ATP8B4: variants seen among roughly 807,000 people sequenced by gnomAD.
ATP8B4 encodes the protein probable phospholipid-transporting ATPase IM.
ATP8B4 carries 133 observed loss-of-function variants against 145.6 expected under a neutral mutation model. That is an observed-to-expected ratio of 0.91 (90% CI 0.79 to 1.05). ATP8B4 has a LOEUF of 1.05. ATP8B4 is among the 50% of genes least tolerant of loss of function. The pLI, the probability that ATP8B4 is intolerant of heterozygous loss-of-function variation, is 0.00. For missense variants in ATP8B4, 1,458 were observed against 1,425.2 expected, an observed-to-expected ratio of 1.02 and a Z score of -0.37; for synonymous variants, 507 against 492.9, an observed-to-expected ratio of 1.03 and a Z score of -0.38.
At chr15:49,867,380 C>T (rs995396351) in intron 25 of ATP8B4, among the ~76,000 whole-genome samples, 3 of 152,188 alleles carry the variant, frequency 2.0e-5, no homozygotes, top group Non-Finnish European at 4.4e-5. Flanking sequence ...TTGTAATTTA[C>T]TGTCCCTTAA....
Position 49,898,165 on chromosome 15 carries a change from T to A in ATP8B4, c.2376A>T (p.Pro792=), listed in dbSNP as rs768825651. 2 of 1,613,862 alleles carry A rather than the reference T, an allele frequency of 1.2e-6. No individual in the cohort carries two copies. Among genetic ancestry groups the A allele is most frequent in the East Asian group, 4.5e-5 (2 of 44,862 alleles). The change falls in exon 22 of 28, where the codon CCA becomes CCT. Residue 792 remains proline, a synonymous_variant. Coordinates refer to ENST00000284509, the MANE Select transcript of ATP8B4 (RefSeq NM_024837.4). ...CKTVICCRVT[P]LQKAQVVELV... ...GCTCTACCACTTGGGCTTTCTGGAG[T>A]GGAGTGACCCTGCAGCAAATTACAG...
At chr15:49,964,259 T>A (rs1265687245) in intron 13 of ATP8B4, among the ~76,000 whole-genome samples, 2 of 152,068 alleles carry the variant, frequency 1.3e-5, no homozygotes, top group Non-Finnish European at 2.9e-5. Context: ...AATTTAAATC[T>A]CAAATTCACT....
intron 16 of ATP8B4, 84 bp from the exon 17 acceptor site, chr15:49,923,578 A>G (rs2040452927): frequency 2.2e-6 from 2 of 905,650 alleles, no homozygotes; most frequent in Admixed American, 2.5e-5. Context: ...CAGCCTGGCA[A>G]TTTGGAAATG....
chr15:50,158,750 T>C (rs1376964106), intron 1 of ATP8B4, among the ~76,000 whole-genome samples: 3 of 152,252 alleles, frequency 2.0e-5, no homozygotes, highest in Non-Finnish European at 4.4e-5. Context: ...TTTCATTTTG[T>C]TCTGTACTAA....
intron 1 of ATP8B4, among the ~76,000 whole-genome samples, chr15:50,178,814 G>A (rs1426092907): frequency 6.6e-6 from 1 of 152,112 alleles, no homozygotes; most frequent in African/African-American, 2.4e-5. Flanking sequence ...TACAGTTCAG[G>A]TATACTTTTT....
intron 14 of ATP8B4, among the ~76,000 whole-genome samples, chr15:49,941,152 C>T (rs73398806): frequency 0.019 from 2,824 of 152,126 alleles, 89 homozygotes; most frequent in African/African-American, 0.066. Flanking sequence ...AAAGAGAGCA[C>T]TCACAGTGGT....
At chr15:50,050,578 A>ATGCC (rs2052098896) in intron 3 of ATP8B4, among the ~76,000 whole-genome samples, 1 of 152,028 alleles carries the variant, frequency 6.6e-6, no homozygotes, top group Non-Finnish European at 1.5e-5. Context: ...TTTCAAACAC[A>ATGCC]TGCCTTTTAT....
intron 5 of ATP8B4, among the ~76,000 whole-genome samples, chr15:50,043,677 G>A (rs2051484891): frequency 6.6e-6 from 1 of 152,036 alleles, no homozygotes; most frequent in African/African-American, 2.4e-5. Flanking sequence ...GTGTAGGCCG[G>A]GCGCGGTGGC....
In ATP8B4 at chr15:50,085,959, ATATT is replaced by A. The variant is rs1156828259; in HGVS notation, c.29-11778_29-11775del. On this transcript the variant is annotated intron_variant, in intron 2 of 27. Coordinates refer to ENST00000284509, the MANE Select transcript of ATP8B4 (RefSeq NM_024837.4). The stretch of plus-strand genomic sequence containing the variant: ...TATTTATATATGATATATATCATAT[ATATT>A]TATATATGATATATCAAATATATCA... Among the ~76,000 whole-genome samples, 125 of 16,918 alleles carry A rather than the reference ATATT, an allele frequency of 7.4e-3. 2 individuals are homozygous for A. The highest frequency in any genetic ancestry group is 0.023 in the African/African-American group (40 of 1,704). 11.1% of individuals were successfully genotyped at this position (16,918 alleles called of 152,430 possible). A position where few individuals can be genotyped will look rare whatever the true frequency, so the allele number is the denominator to read the frequency against.
chr15:50,057,372 G>T (rs2052686365), intron 3 of ATP8B4, among the ~76,000 whole-genome samples: 1 of 152,186 alleles, frequency 6.6e-6, no homozygotes, highest in Non-Finnish European at 1.5e-5. Flanking sequence ...GCCCATAAAA[G>T]CAAGTATTGT....
At chr15:50,007,886 C>T (rs28760364) in intron 7 of ATP8B4, among the ~76,000 whole-genome samples, 1 of 152,156 alleles carries the variant, frequency 6.6e-6, no homozygotes, top group African/African-American at 2.4e-5. Context: ...AACAAAATTA[C>T]CTAATCAAGA....
intron 1 of ATP8B4, among the ~76,000 whole-genome samples, chr15:50,169,793 G>C (rs2044645340): frequency 6.6e-6 from 1 of 152,096 alleles, no homozygotes; most frequent in Non-Finnish European, 1.5e-5. Context: ...TACAAGAAGT[G>C]AAGGGAGAAT....
At chr15:49,875,009 C>G (rs1314845670) in intron 25 of ATP8B4, among the ~76,000 whole-genome samples, 2 of 152,124 alleles carry the variant, frequency 1.3e-5, no homozygotes, top group Admixed American at 6.5e-5. Context: ...ATGGGCATAA[C>G]AGCAGGCTTT....
At chr15:50,114,768 C>T (rs996202935) in intron 1 of ATP8B4, among the ~76,000 whole-genome samples, 2 of 152,222 alleles carry the variant, frequency 1.3e-5, no homozygotes, top group African/African-American at 4.8e-5. Flanking sequence ...CCTGCTGCCA[C>T]AAAGTTAGTA....
intron 5 of ATP8B4, among the ~76,000 whole-genome samples, chr15:50,042,974 G>A (rs1418364008): frequency 6.6e-6 from 1 of 152,006 alleles, no homozygotes; most frequent in Non-Finnish European, 1.5e-5. Context: ...AACATAAATG[G>A]GTTAAATATT....
In ATP8B4 at chr15:50,007,171, G is replaced by A. The variant is rs114447479; in HGVS notation, c.435+3674C>T. ...TGCCAGCTAATTGGCAATCTCCGGT[G>A]AGCTTTTTTCCTTGCTTAAAATTTA... On this transcript the variant is annotated intron_variant, in intron 7 of 27. Coordinates refer to ENST00000284509, the MANE Select transcript of ATP8B4 (RefSeq NM_024837.4). 8.1e-3 allele frequency among the ~76,000 whole-genome samples: 1,237 copies of A among 152,304 alleles called. 18 individuals are homozygous for A. The highest frequency in any genetic ancestry group is 0.028 in the African/African-American group (1,147 of 41,572).
chr15:50,073,376 G>T (rs1341364293), intron 3 of ATP8B4, among the ~76,000 whole-genome samples: 1 of 151,996 alleles, frequency 6.6e-6, no homozygotes, highest in Non-Finnish European at 1.5e-5. Flanking sequence ...GAGAATGATG[G>T]TTTCCAACTT....
chr15:50,036,359 G>A (rs1328626774), intron 6 of ATP8B4, among the ~76,000 whole-genome samples: 2 of 152,124 alleles, frequency 1.3e-5, no homozygotes, highest in Non-Finnish European at 2.9e-5. Flanking sequence ...TTTGACGCTC[G>A]TGCGCCAGTT....
intron 23 of ATP8B4, among the ~76,000 whole-genome samples, chr15:49,889,244 C>T (rs1316600594): frequency 6.6e-6 from 1 of 152,056 alleles, no homozygotes; most frequent in African/African-American, 2.4e-5. Context: ...GCCTTGCCTA[C>T]CGCTGATCCT....
Sources: gnomAD v4.1 joint callset for allele counts (sites outside exome capture counted in the v4.1 genomes callset) on GRCh38, gnomAD v4.1.1 for gene constraint, MANE v1.5 for transcripts, NCBI Gene and HGNC (gene_info 2026-07-23, HGNC 2026-07-21) for gene names.